Variants in ATP8A2 observed in about 807,000 individuals in gnomAD.
ATP8A2 encodes ATPase phospholipid transporting 8A2.
ATP8A2 carries 100 observed loss-of-function variants against 165.6 expected under a neutral mutation model. The ratio of observed to expected loss-of-function variants is 0.60; its 90% CI spans 0.51 to 0.71. The LOEUF (loss-of-function observed/expected upper bound fraction) is 0.71. Among genes scored for constraint, ATP8A2 ranks in the 30% least tolerant of loss-of-function variants. The probability of loss-of-function intolerance (pLI) is 0.00; values close to 1 mark genes in which losing one functional copy is unlikely to be tolerated. For missense variants in ATP8A2, 1,227 were observed against 1,479.5 expected (o/e 0.83, Z 2.80); for synonymous variants, 543 against 548.8 (o/e 0.99, Z 0.15).
rs1956844266 is a variant in ATP8A2 at position 26,011,388 on chromosome 13, C to A, written c.3378-1143C>A. Among the ~76,000 whole-genome samples the A allele has an allele frequency of 3.9e-5, 6 of 152,238 alleles. No individual in the cohort carries two copies. The South Asian group carries it at 1.0e-3, about 26-fold the overall frequency. Reference sequence around the variant, plus strand: ...GACAGCAGCCATGCTGGATTAGGGCCCACCCTGATGACCTCATTTCACCTT... The same window carrying A: ...GACAGCAGCCATGCTGGATTAGGGCACACCCTGATGACCTCATTTCACCTT... On this transcript the variant is annotated intron_variant, in intron 35 of 36. Coordinates refer to ENST00000381655, the MANE Select transcript of ATP8A2 (RefSeq NM_016529.6).
At chr13:25,693,711 T>G (rs1243412203) in intron 24 of ATP8A2, among the ~76,000 whole-genome samples, 1 of 151,988 alleles carries the variant, frequency 6.6e-6, no homozygotes, top group Non-Finnish European at 1.5e-5. Flanking sequence ...TTTATTTTAT[T>G]TATTTATTTT....
At chr13:25,512,168 C>G (rs916397311) in intron 2 of ATP8A2, among the ~76,000 whole-genome samples, 5 of 151,058 alleles carry the variant, frequency 3.3e-5, no homozygotes, top group African/African-American at 1.2e-4. Flanking sequence ...CCTGAGTGGA[C>G]ACAGCACATG....
In ATP8A2 at chr13:25,466,693, C is replaced by T. The variant is rs76263096; in HGVS notation, c.77-2284C>T. On this transcript the variant is annotated intron_variant, in intron 1 of 36. Transcript: ENST00000381655. ...CCACAGAATCTGAGAGGGCAGGGCCCGGGAACTAATACATTGTGGAAGCTG... is the reference window on the plus strand; with the variant it reads ...CCACAGAATCTGAGAGGGCAGGGCCTGGGAACTAATACATTGTGGAAGCTG... Among the ~76,000 whole-genome samples, 980 of 152,216 alleles carry T rather than the reference C, an allele frequency of 6.4e-3. 61 individuals carry two copies. In the East Asian group the frequency reaches 0.14, roughly 21 times the overall value.
At chr13:25,724,660 G>A (rs949473165) in intron 25 of ATP8A2, among the ~76,000 whole-genome samples, 2 of 152,160 alleles carry the variant, frequency 1.3e-5, no homozygotes, top group African/African-American at 4.8e-5. Context: ...AGCACATGCA[G>A]GCTGCTGTCT....
chr13:25,858,186 A>G (rs1952227830), intron 30 of ATP8A2, among the ~76,000 whole-genome samples: 1 of 152,208 alleles, frequency 6.6e-6, no homozygotes, highest in Non-Finnish European at 1.5e-5. Context: ...AACAGTCTTA[A>G]GGCCAGTTCC....
At chr13:25,869,068 CAAAAAAAA>C (rs60945309) in intron 33 of ATP8A2, among the ~76,000 whole-genome samples, 2 of 72,352 alleles carry the variant, frequency 2.8e-5, no homozygotes, top group Admixed American at 3.6e-4. Flanking sequence ...GACTCCGTCT[CAAAAAAAA>C]AAAAAAAAAA....
intron 2 of ATP8A2, among the ~76,000 whole-genome samples, chr13:25,491,544 A>G (rs1467716744): frequency 6.6e-6 from 1 of 152,198 alleles, no homozygotes; most frequent in East Asian, 1.9e-4. Context: ...TTTACATAGT[A>G]GCTATGAAAT....
chr13:25,604,310 G>A (rs939006764), intron 24 of ATP8A2, among the ~76,000 whole-genome samples: 17 of 152,082 alleles, frequency 1.1e-4, no homozygotes, highest in African/African-American at 4.1e-4. Flanking sequence ...ATTTAGCAGC[G>A]TGGAGGTCAT....
intron 1 of ATP8A2, among the ~76,000 whole-genome samples, chr13:25,403,820 C>T (rs1228072910): frequency 6.6e-6 from 1 of 152,174 alleles, no homozygotes; most frequent in African/African-American, 2.4e-5. Flanking sequence ...GTAGATGACT[C>T]AAAGTTGGGA....
chr13:25,549,327 G>C (rs2038747442), intron 10 of ATP8A2, among the ~76,000 whole-genome samples: 1 of 152,038 alleles, frequency 6.6e-6, no homozygotes. Flanking sequence ...GGGCATGGTG[G>C]CGCACACTTG....
At chr13:25,388,743 G>A (rs983358769) in intron 1 of ATP8A2, among the ~76,000 whole-genome samples, 1 of 152,164 alleles carries the variant, frequency 6.6e-6, no homozygotes, top group African/African-American at 2.4e-5. Flanking sequence ...CAGAAATTGG[G>A]CATAAGACAA....
intron 24 of ATP8A2, among the ~76,000 whole-genome samples, chr13:25,697,918 C>A (rs900320256): frequency 1.3e-5 from 2 of 152,128 alleles, no homozygotes; most frequent in East Asian, 1.9e-4. Flanking sequence ...AAACACTGAA[C>A]AATAAGACAG....
chr13:25,388,416 A>G (rs1204177708), intron 1 of ATP8A2, among the ~76,000 whole-genome samples: 2 of 152,278 alleles, frequency 1.3e-5, no homozygotes, highest in East Asian at 3.9e-4. Context: ...CACGTCTCTA[A>G]CAACCGAGCT....
intron 30 of ATP8A2, among the ~76,000 whole-genome samples, chr13:25,851,487 G>A (rs1172328339): frequency 1.3e-5 from 2 of 151,964 alleles, no homozygotes; most frequent in Non-Finnish European, 2.9e-5. Flanking sequence ...GGAGGCTGAG[G>A]CAGGAGAATC....
chr13:25,787,165 A>G (rs2045050742), intron 27 of ATP8A2, among the ~76,000 whole-genome samples: 1 of 152,218 alleles, frequency 6.6e-6, no homozygotes, highest in African/African-American at 2.4e-5. Context: ...CCAGATAAGA[A>G]CAGTATGACA....
intron 2 of ATP8A2, among the ~76,000 whole-genome samples, chr13:25,489,780 G>A (rs540859706): frequency 3.9e-5 from 6 of 152,278 alleles, no homozygotes; most frequent in Admixed American, 2.6e-4. Context: ...CTTATGCCTC[G>A]GAAATTGATG....
At chr13:25,924,461 C>T (rs1261999333) in intron 33 of ATP8A2, among the ~76,000 whole-genome samples, 3 of 152,114 alleles carry the variant, frequency 2.0e-5, no homozygotes, top group East Asian at 1.9e-4. Flanking sequence ...TTCCTCTTCA[C>T]GTGCGGGCCT....
intron 25 of ATP8A2, among the ~76,000 whole-genome samples, chr13:25,707,667 A>T (rs144550077): frequency 6.6e-6 from 1 of 152,348 alleles, no homozygotes; most frequent in Admixed American, 6.5e-5. Context: ...ATGAGGATTG[A>T]TCTATAATAA....
At chr13:25,512,958 G>T in intron 2 of ATP8A2, among the ~76,000 whole-genome samples, 3 of 135,732 alleles carry the variant, frequency 2.2e-5, no homozygotes, top group African/African-American at 5.3e-5. Context: ...CCGGGTGGGG[G>T]GCTGACCCCC....
Sources: allele counts gnomAD v4.1 joint callset (sites outside exome capture counted in the v4.1 genomes callset), GRCh38; gene constraint gnomAD v4.1.1; transcripts MANE v1.5; gene names NCBI Gene and HGNC (gene_info 2026-07-23, HGNC 2026-07-21).